The following BRMS1L variants were observed in gnomAD, a reference collection of about 807,000 sequenced individuals.
BRMS1L encodes the protein breast cancer metastasis-suppressor 1-like protein.
Under a neutral mutation model 50.3 loss-of-function variants are expected in BRMS1L, and 23 were observed. That is an observed-to-expected ratio of 0.46 (90% confidence interval 0.33 to 0.65). BRMS1L has a LOEUF of 0.65. Among genes scored for constraint, BRMS1L ranks in the 30% least tolerant of loss-of-function variants. The pLI, the probability that BRMS1L is intolerant of heterozygous loss-of-function variation, is 0.02. For missense variants in BRMS1L, 286 were observed against 386.1 expected (o/e 0.74, Z 2.17); for synonymous variants, 114 against 126.9 (o/e 0.90, Z 0.69).
intron 4 of BRMS1L, among the ~76,000 whole-genome samples, chr14:35,843,559 C>T (rs879320354): frequency 6.6e-6 from 1 of 152,172 alleles, no homozygotes; most frequent in Non-Finnish European, 1.5e-5. Context: ...CTGGAAGCTT[C>T]GTCCCAGAGG....
chr14:35,830,126 A>G lies in BRMS1L; in HGVS notation c.143-1284A>G, dbSNP rs556586993. Reference sequence around the variant, plus strand: ...CTCTTGTTGCCCAGGCTAGAGTGCAATGGCACGATCTTGGCTCACCACAAC... The same window carrying G: ...CTCTTGTTGCCCAGGCTAGAGTGCAGTGGCACGATCTTGGCTCACCACAAC... On this transcript the variant is annotated intron_variant, in intron 1 of 9. Transcript: ENST00000216807. Among the ~76,000 whole-genome samples, 29 of 152,102 alleles carry G rather than the reference A, an allele frequency of 1.9e-4. 1 individual carries two copies. The South Asian group carries it at 2.9e-3, about 15-fold the overall frequency.
chr14:35,863,983 T>A (rs1388397354), intron 6 of BRMS1L, 30 bp downstream of exon 6: 1 of 1,577,504 alleles, frequency 6.3e-7, no homozygotes, highest in Non-Finnish European at 8.7e-7. Context: ...CTGTTTTTTT[T>A]TCCTTGATGT....
chr14:35,826,740 C>T, intron 1 of BRMS1L, 82 bp downstream of exon 1: 1 of 1,557,148 alleles, frequency 6.4e-7, no homozygotes, highest in Non-Finnish European at 8.7e-7. Context: ...CGGCTGCGTC[C>T]TGCTGGGAAA....
chr14:35,837,742 A>T (rs969168353), intron 4 of BRMS1L, among the ~76,000 whole-genome samples: 1 of 151,962 alleles, frequency 6.6e-6, no homozygotes, highest in African/African-American at 2.4e-5. Flanking sequence ...TTTAGTAGAG[A>T]CGAGGTTTCA....
chr14:35,827,873 G>A (rs1395692038), intron 1 of BRMS1L, among the ~76,000 whole-genome samples: 1 of 152,160 alleles, frequency 6.6e-6, no homozygotes, highest in Non-Finnish European at 1.5e-5. Flanking sequence ...GGTTTGGGGT[G>A]GTGGGTATCC....
chr14:35,870,491 G>A lies in BRMS1L; in HGVS notation c.*14G>A, dbSNP rs1163450144. ...AAACATTCATAATCATGATTTAAGTGTTATCTAAATTTACCTTATTAGTGT... is the reference window on the plus strand; with the variant it reads ...AAACATTCATAATCATGATTTAAGTATTATCTAAATTTACCTTATTAGTGT... On this transcript the variant is annotated 3_prime_UTR_variant, in exon 10 of 10. Transcript: ENST00000216807. The A allele has an allele frequency of 8.6e-6, 13 of 1,514,652 alleles. No homozygotes were observed. Among genetic ancestry groups the A allele is most frequent in the East Asian group, 4.5e-5 (2 of 44,066 alleles). 93.8% of individuals were successfully genotyped at this position (1,514,652 alleles called of 1,614,324 possible). A position where few individuals can be genotyped will look rare whatever the true frequency, so the allele number is the denominator to read the frequency against.
intron 1 of BRMS1L, among the ~76,000 whole-genome samples, chr14:35,828,620 T>G (rs1168388097): frequency 6.6e-6 from 1 of 151,948 alleles, no homozygotes; most frequent in Non-Finnish European, 1.5e-5. Flanking sequence ...ATTACAGGCA[T>G]GCGCCGCCAC....
At chr14:35,854,351 C>G (rs1340824896) in intron 4 of BRMS1L, among the ~76,000 whole-genome samples, 1 of 152,128 alleles carries the variant, frequency 6.6e-6, no homozygotes, top group East Asian at 1.9e-4. Flanking sequence ...GTTATTTTCT[C>G]TTAAAGTTTT....
At chr14:35,858,291 C>G (rs1444598526) in intron 4 of BRMS1L, among the ~76,000 whole-genome samples, 1 of 152,154 alleles carries the variant, frequency 6.6e-6, no homozygotes, top group Non-Finnish European at 1.5e-5. Flanking sequence ...CCCTCTATCC[C>G]TCGTGTCCCC....
intron 1 of BRMS1L, among the ~76,000 whole-genome samples, chr14:35,828,777 T>C (rs1053277006): frequency 2.0e-5 from 3 of 152,210 alleles, no homozygotes; most frequent in Middle Eastern, 3.4e-3. Context: ...TTTGGAGTGA[T>C]GGCAGTATGC....
At chr14:35,855,708 A>G (rs935645665) in intron 4 of BRMS1L, among the ~76,000 whole-genome samples, 2 of 152,146 alleles carry the variant, frequency 1.3e-5, no homozygotes, top group Admixed American at 6.5e-5. Flanking sequence ...ATCATCTATT[A>G]TATAATTAAT....
intron 8 of BRMS1L, 104 bp from the exon 9 acceptor site, chr14:35,867,802 C>A: frequency 8.8e-7 from 1 of 1,142,182 alleles, no homozygotes. Context: ...ATTTTTAGGC[C>A]TTTTTTACAT....
chr14:35,829,221 C>A (rs1028852484), intron 1 of BRMS1L, among the ~76,000 whole-genome samples: 1 of 152,104 alleles, frequency 6.6e-6, no homozygotes, highest in African/African-American at 2.4e-5. Context: ...GGATTACAGG[C>A]GGGAGCCACT....
intron 4 of BRMS1L, among the ~76,000 whole-genome samples, chr14:35,842,853 T>C (rs758988783): frequency 1.8e-4 from 28 of 152,230 alleles, no homozygotes; most frequent in Non-Finnish European, 3.4e-4. Flanking sequence ...TAGTCCCATA[T>C]TCCTTGGAGG....
At chr14:35,856,969 G>A (rs1466190180) in intron 4 of BRMS1L, among the ~76,000 whole-genome samples, 2 of 151,908 alleles carry the variant, frequency 1.3e-5, no homozygotes, top group East Asian at 1.9e-4. Flanking sequence ...GGCCGGGCAC[G>A]GTGGCTTATG....
At chr14:35,843,306 C>T (rs2078090597) in intron 4 of BRMS1L, among the ~76,000 whole-genome samples, 5 of 152,062 alleles carry the variant, frequency 3.3e-5, no homozygotes. Context: ...TTTTCCTCAT[C>T]TTCATGGGTT....
intron 7 of BRMS1L, among the ~76,000 whole-genome samples, chr14:35,865,390 A>G (rs138157963): frequency 8.9e-4 from 135 of 152,278 alleles, no homozygotes; most frequent in African/African-American, 3.0e-3. Context: ...CTTGCATCCT[A>G]TCATTAAACA....
chr14:35,860,708 G>C (rs77902655), intron 4 of BRMS1L, among the ~76,000 whole-genome samples: 3,377 of 152,280 alleles, frequency 0.022, 132 homozygotes, highest in South Asian at 0.14. Context: ...TCAGGGAACT[G>C]CCAAAGAGGA....
chr14:35,827,758 G>A (rs2077863671), intron 1 of BRMS1L, among the ~76,000 whole-genome samples: 1 of 152,228 alleles, frequency 6.6e-6, no homozygotes, highest in Non-Finnish European at 1.5e-5. Flanking sequence ...AAATGTTGCT[G>A]TAGGAATTCA....
Sources: gnomAD v4.1 joint callset for allele counts (sites outside exome capture counted in the v4.1 genomes callset) on GRCh38, gnomAD v4.1.1 for gene constraint, MANE v1.5 for transcripts, NCBI Gene and HGNC (gene_info 2026-07-23, HGNC 2026-07-21) for gene names.